PDZD9: variants seen among roughly 807,000 people sequenced by gnomAD.
PDZD9 encodes the protein PDZ domain containing 9.
PDZD9 carries 13 observed loss-of-function variants against 16.3 expected under a neutral mutation model. The ratio of observed to expected loss-of-function variants is 0.80; its 90% CI spans 0.52 to 1.27. The LOEUF is 1.27. PDZD9 is among the 50% of genes most tolerant of loss of function. The pLI, the probability that PDZD9 is intolerant of heterozygous loss-of-function variation, is 0.00. For missense variants in PDZD9, 288 were observed against 310.9 expected (o/e 0.93, Z 0.55); for synonymous variants, 120 against 111.0 (o/e 1.08, Z -0.51).
the PDZD9 span, among the ~76,000 whole-genome samples, chr16:21,978,062 G>A: frequency 9.2e-5 from 14 of 152,170 alleles, no homozygotes; most frequent in Admixed American, 2.0e-4. Context: ...CTTAATAAGT[G>A]TAACACAGTT....
At chr16:21,958,635 C>T in the PDZD9 span, 322 of 1,561,304 alleles carry the variant, frequency 2.1e-4, 1 homozygote, top group African/African-American at 3.8e-3. Flanking sequence ...AGTGAAAATG[C>T]CAGAAAATAT....
the PDZD9 span, chr16:21,971,640 A>T: frequency 6.2e-6 from 10 of 1,609,334 alleles, no homozygotes; most frequent in Non-Finnish European, 8.5e-6. Context: ...TCATTCTATT[A>T]GGGTTAATTT....
chr16:21,958,644 A>G, the PDZD9 span: 1 of 1,552,990 alleles, frequency 6.4e-7, no homozygotes, highest in Non-Finnish European at 8.8e-7. Context: ...GCCAGAAAAT[A>G]TTCAATTTTA....
At chr16:21,998,927 A>G (rs1899220778) in intron 1 of PDZD9, 1 of 228,036 alleles carries the variant, frequency 4.4e-6, no homozygotes, top group Non-Finnish European at 1.0e-5. Flanking sequence ...TTTTGGAGAG[A>G]AGACTTCTCA....
At chr16:21,994,013 C>T (rs1899085457) in intron 2 of PDZD9, among the ~76,000 whole-genome samples, 1 of 151,766 alleles carries the variant, frequency 6.6e-6, no homozygotes, top group Non-Finnish European at 1.5e-5. Context: ...CCTCCATTGC[C>T]CATGTCTACA....
intron 3 of PDZD9, among the ~76,000 whole-genome samples, chr16:21,988,170 G>T (rs187692728): frequency 6.6e-6 from 1 of 152,042 alleles, no homozygotes; most frequent in East Asian, 1.9e-4. Flanking sequence ...ACCACATCCA[G>T]CTAATTTTTG....
At chr16:21,976,440 C>G in the PDZD9 span, 1 of 467,598 alleles carries the variant, frequency 2.1e-6, no homozygotes. Context: ...CTCACTAATC[C>G]CAGCACTTTG....
the PDZD9 span, among the ~76,000 whole-genome samples, chr16:21,964,276 G>T: frequency 6.6e-6 from 1 of 152,144 alleles, no homozygotes; most frequent in South Asian, 2.1e-4. Flanking sequence ...TTCCCCACTG[G>T]CGGCAGTGAG....
chr16:21,998,796 A>T (rs1354117329), intron 1 of PDZD9: 3 of 151,888 alleles, frequency 2.0e-5, no homozygotes, highest in African/African-American at 7.3e-5. Context: ...AAAAAAAAAA[A>T]AAAAAAGAGA....
chr16:21,979,766 A>T (rs113771995), downstream of PDZD9, among the ~76,000 whole-genome samples: 40 of 152,308 alleles, frequency 2.6e-4, no homozygotes, highest in Admixed American at 7.2e-4. Flanking sequence ...TTATTTTTTT[A>T]AAATTGCACT....
At chr16:21,972,005 A>C in the PDZD9 span, 1 of 1,614,174 alleles carries the variant, frequency 6.2e-7, no homozygotes, top group Non-Finnish European at 8.5e-7. Flanking sequence ...GTGCAGAGGC[A>C]AATGCATTTA....
chr16:21,960,683 G>A, the PDZD9 span, among the ~76,000 whole-genome samples: 4 of 152,042 alleles, frequency 2.6e-5, no homozygotes, highest in African/African-American at 9.7e-5. Flanking sequence ...CCTTTCACTT[G>A]TATACTTAGG....
the PDZD9 span, among the ~76,000 whole-genome samples, chr16:21,967,962 A>G: frequency 2.0e-5 from 3 of 151,922 alleles, no homozygotes; most frequent in East Asian, 5.8e-4. Flanking sequence ...CCACGTTTTC[A>G]AGTTTAGGCC....
downstream of PDZD9, chr16:21,983,626 T>C (rs989576306): frequency 5.8e-6 from 1 of 172,562 alleles, no homozygotes; most frequent in Non-Finnish European, 1.2e-5. Flanking sequence ...GCAATAAAAT[T>C]ATTTCCAAAA....
the PDZD9 span, among the ~76,000 whole-genome samples, chr16:21,970,887 A>T: frequency 6.6e-6 from 1 of 151,846 alleles, no homozygotes; most frequent in South Asian, 2.1e-4. Flanking sequence ...TGCCCAGTCA[A>T]CTTTGGAGAA....
At chr16:21,997,130 GTTTCTTGTCCTCATGAA>G (rs1277379692) in intron 1 of PDZD9, among the ~76,000 whole-genome samples, 1 of 152,176 alleles carries the variant, frequency 6.6e-6, no homozygotes, top group Non-Finnish European at 1.5e-5. Context: ...GCCCACATGT[GTTTCTTGTCCTCATGAA>G]TTTTACAGCC....
At chr16:21,980,327 CTT>C (rs1898687495), downstream of PDZD9, 2 of 513,058 alleles carry the variant, frequency 3.9e-6, no homozygotes, top group South Asian at 6.2e-5. Context: ...CAATTGGACA[CTT>C]TGGCAACCCT....
At chr16:21,962,311 G>T in the PDZD9 span, 1 of 883,716 alleles carries the variant, frequency 1.1e-6, no homozygotes, top group East Asian at 2.6e-5. Flanking sequence ...AATTTTAGTT[G>T]GTTAATATGT....
At chr16:21,958,634 G>T in the PDZD9 span, 1 of 1,570,594 alleles carries the variant, frequency 6.4e-7, no homozygotes, top group East Asian at 2.3e-5. Flanking sequence ...TAGTGAAAAT[G>T]CCAGAAAATA....
Sources: allele counts gnomAD v4.1 joint callset (sites outside exome capture counted in the v4.1 genomes callset), GRCh38; gene constraint gnomAD v4.1.1; transcripts MANE v1.5; gene names NCBI Gene and HGNC (gene_info 2026-07-23, HGNC 2026-07-21).